PIGK: variants seen among roughly 807,000 people sequenced by gnomAD.
The protein encoded by PIGK is phosphatidylinositol glycan anchor biosynthesis class K.
PIGK carries 42 observed loss-of-function variants against 50.6 expected under a neutral mutation model. That is an observed-to-expected ratio of 0.83 (90% CI 0.65 to 1.07). The LOEUF is 1.07. Ranked by LOEUF, PIGK falls within the 50% of genes least tolerant of loss-of-function variation. The probability of loss-of-function intolerance (pLI) is 0.00; values close to 1 mark genes in which losing one functional copy is unlikely to be tolerated. For missense variants in PIGK, 448 were observed against 488.7 expected (o/e 0.92, Z 0.78); for synonymous variants, 151 against 156.0 (o/e 0.97, Z 0.24).
intron 8 of PIGK, among the ~76,000 whole-genome samples, chr1:77,157,693 GA>G (rs1423298894): frequency 1.3e-5 from 2 of 152,156 alleles, no homozygotes; most frequent in African/African-American, 2.4e-5. Flanking sequence ...AACGAAGTTA[GA>G]AAGTAGTTGA....
chr1:77,200,135 CA>C (rs1656127475), intron 3 of PIGK, among the ~76,000 whole-genome samples: 1 of 152,018 alleles, frequency 6.6e-6, no homozygotes, highest in South Asian at 2.1e-4. Flanking sequence ...AAGATGAAAG[CA>C]GTGTCTGAGA....
Position 77,091,956 on chromosome 1 carries a change from T to C in PIGK, c.*418A>G, listed in dbSNP as rs1653311054. Reference sequence around the variant, plus strand: ...TTACAAAATAGTACATTCCATATGATCTCCATATTGGGAAAAAATATGTGC... The same window carrying C: ...TTACAAAATAGTACATTCCATATGACCTCCATATTGGGAAAAAATATGTGC... On this transcript the variant is annotated 3_prime_UTR_variant, in exon 11 of 11. Coordinates refer to ENST00000370812, the MANE Select transcript of PIGK (RefSeq NM_005482.3). The C allele has an allele frequency of 6.5e-6, 1 of 153,598 alleles. No individual in the cohort carries two copies. Among genetic ancestry groups the C allele is most frequent in the Non-Finnish European group, 1.4e-5 (1 of 69,176 alleles). 9.5% of individuals were successfully genotyped at this position (153,598 alleles called of 1,614,324 possible).
At chr1:77,200,929 T>C (rs1333320608) in intron 3 of PIGK, among the ~76,000 whole-genome samples, 1 of 152,192 alleles carries the variant, frequency 6.6e-6, no homozygotes, top group Non-Finnish European at 1.5e-5. Context: ...TTATGGTGGA[T>C]AGTGAATGTG....
In PIGK at chr1:77,110,418, A is replaced by G. The variant is rs1337411238; in HGVS notation, c.1071+11857T>C. Among the ~76,000 whole-genome samples, 7 of 152,300 alleles carry G rather than the reference A, an allele frequency of 4.6e-5. No individual in the cohort carries two copies. In the South Asian group the frequency reaches 6.2e-4, roughly 14 times the overall value. On this transcript the variant is annotated intron_variant, in intron 10 of 10. Coordinates refer to ENST00000370812, the MANE Select transcript of PIGK (RefSeq NM_005482.3). The stretch of plus-strand genomic sequence containing the variant: ...TACTGGTACCAAAACAGAGATATAG[A>G]CCAATGGAACAGAACAGAGCCCTCA...
chr1:77,169,775 TCTTC>T (rs1655320035), intron 3 of PIGK, among the ~76,000 whole-genome samples: 1 of 152,224 alleles, frequency 6.6e-6, no homozygotes, highest in Non-Finnish European at 1.5e-5. Context: ...AAAGAAACTG[TCTTC>T]CTTAAGCATC....
At chr1:77,172,031 G>A (rs1421217718) in intron 3 of PIGK, among the ~76,000 whole-genome samples, 2 of 149,006 alleles carry the variant, frequency 1.3e-5, no homozygotes, top group East Asian at 4.0e-4. Flanking sequence ...GCCTGCTGCT[G>A]TGTTTAACAG....
At chr1:77,134,379 C>T (rs571057103) in intron 9 of PIGK, among the ~76,000 whole-genome samples, 21 of 152,204 alleles carry the variant, frequency 1.4e-4, no homozygotes, top group Non-Finnish European at 2.5e-4. Flanking sequence ...AATTTAGTTT[C>T]CCTTTAGTTT....
At chr1:77,147,127 G>A (rs577028928) in intron 9 of PIGK, among the ~76,000 whole-genome samples, 6 of 152,206 alleles carry the variant, frequency 3.9e-5, no homozygotes, top group South Asian at 4.2e-4. Context: ...GGCAAAAGGC[G>A]CTTCTTACTT....
At chr1:77,115,336 G>C (rs542221790) in intron 10 of PIGK, among the ~76,000 whole-genome samples, 83 of 152,242 alleles carry the variant, frequency 5.5e-4, no homozygotes, top group African/African-American at 1.8e-3. Flanking sequence ...AAATGTTTGT[G>C]TATGGGCAGA....
chr1:77,138,450 C>T (rs1654571000), intron 9 of PIGK, among the ~76,000 whole-genome samples: 1 of 152,212 alleles, frequency 6.6e-6, no homozygotes, highest in Non-Finnish European at 1.5e-5. Context: ...TTCAGCCCTA[C>T]ATGTGCAAGG....
At chr1:77,164,037 C>T (rs1570235134) in intron 5 of PIGK, 95 bp from the exon 6 acceptor site, 3 of 635,476 alleles carry the variant, frequency 4.7e-6, no homozygotes, top group Non-Finnish European at 5.3e-6. Flanking sequence ...ATTTTGACAT[C>T]GCTTGTTATT....
chr1:77,161,818 A>G (rs1557810387), intron 6 of PIGK, 107 bp from the exon 7 acceptor site: 2 of 675,292 alleles, frequency 3.0e-6, no homozygotes, highest in South Asian at 3.7e-5. Flanking sequence ...TAGTCATTTC[A>G]TTAGCTAAAA....
intron 3 of PIGK, among the ~76,000 whole-genome samples, chr1:77,174,556 C>A (rs935065188): frequency 1.3e-5 from 2 of 152,106 alleles, no homozygotes; most frequent in Non-Finnish European, 2.9e-5. Flanking sequence ...AGGAAATATA[C>A]TTTTAGGGAT....
chr1:77,158,251 A>G (rs1172950228), intron 8 of PIGK, among the ~76,000 whole-genome samples: 1 of 152,056 alleles, frequency 6.6e-6, no homozygotes, highest in Non-Finnish European at 1.5e-5. Context: ...TCCTGACCTC[A>G]AGTAATCCGC....
At chr1:77,210,547 T>A in intron 1 of PIGK, 58 bp from the exon 2 acceptor site, 1 of 1,046,784 alleles carries the variant, frequency 9.6e-7, no homozygotes, top group East Asian at 2.6e-5. Flanking sequence ...TAAAGACTGA[T>A]AATGGACAGT....
chr1:77,135,341 T>C (rs1654474215), intron 9 of PIGK, among the ~76,000 whole-genome samples: 1 of 152,082 alleles, frequency 6.6e-6, no homozygotes, highest in African/African-American at 2.4e-5. Context: ...CTTAGTTATC[T>C]TGCTTATGAT....
intron 9 of PIGK, among the ~76,000 whole-genome samples, chr1:77,127,277 C>T (rs1000110397): frequency 2.6e-5 from 4 of 152,164 alleles, no homozygotes; most frequent in African/African-American, 9.7e-5. Context: ...CTCTTCTGTG[C>T]TATCCAAGTA....
At chr1:77,126,294 A>T (rs1377403702) in intron 9 of PIGK, among the ~76,000 whole-genome samples, 1 of 152,116 alleles carries the variant, frequency 6.6e-6, no homozygotes, top group Non-Finnish European at 1.5e-5. Flanking sequence ...GACTTTGTAA[A>T]GGTGCTGGCT....
intron 10 of PIGK, among the ~76,000 whole-genome samples, chr1:77,100,973 C>A (rs1346528107): frequency 2.0e-5 from 3 of 152,126 alleles, no homozygotes; most frequent in African/African-American, 4.8e-5. Flanking sequence ...TTTGTGAGAC[C>A]CTGAACAGAG....
Sources: gnomAD v4.1 joint callset for allele counts (sites outside exome capture counted in the v4.1 genomes callset) on GRCh38, gnomAD v4.1.1 for gene constraint, MANE v1.5 for transcripts, NCBI Gene and HGNC (gene_info 2026-07-23, HGNC 2026-07-21) for gene names.